The following SPOCK2 variants were observed in gnomAD, a reference collection of about 807,000 sequenced individuals.
SPOCK2 encodes the protein testican-2.
In SPOCK2, 39 loss-of-function variants were observed where a neutral mutation model predicts 60.1. The observed-to-expected ratio is 0.65, with a 90% CI of 0.50 to 0.85. SPOCK2 has a LOEUF of 0.85. SPOCK2 is among the 40% of genes least tolerant of loss of function. SPOCK2 has a pLI of 0.00. For synonymous variants in SPOCK2, 217 were observed against 231.5 expected, an observed-to-expected ratio of 0.94 and a Z score of 0.57; for missense variants, 523 against 567.4, an observed-to-expected ratio of 0.92 and a Z score of 0.80.
chr10:72,069,848 C>T (rs1840621037), intron 5 of SPOCK2, among the ~76,000 whole-genome samples: 2 of 152,194 alleles, frequency 1.3e-5, no homozygotes, highest in Admixed American at 6.5e-5. Flanking sequence ...CAATCGGTTC[C>T]TTCTTCCATC....
intron 1 of SPOCK2, among the ~76,000 whole-genome samples, chr10:72,079,472 A>C (rs532318017): frequency 6.6e-6 from 1 of 152,296 alleles, no homozygotes. Context: ...GAGCTAACCC[A>C]TCTTCAGCTT....
chr10:72,071,636 T>C (rs1271406944), intron 4 of SPOCK2, among the ~76,000 whole-genome samples: 1 of 152,240 alleles, frequency 6.6e-6, no homozygotes, highest in Admixed American at 6.5e-5. Flanking sequence ...CTATTTGTCT[T>C]AGAGATACTA....
At chr10:72,081,520 C>G (rs1176858175) in intron 1 of SPOCK2, among the ~76,000 whole-genome samples, 1 of 152,222 alleles carries the variant, frequency 6.6e-6, no homozygotes, top group Non-Finnish European at 1.5e-5. Flanking sequence ...TCTCCACCAT[C>G]CACATGTCTG....
intron 1 of SPOCK2, among the ~76,000 whole-genome samples, chr10:72,077,792 C>G (rs78192290): frequency 1.1e-4 from 16 of 152,206 alleles, no homozygotes; most frequent in Middle Eastern, 3.4e-3. Flanking sequence ...GCACGCTTAC[C>G]GTGCCACCCT....
At chr10:72,066,814 G>T (rs895973176) in intron 8 of SPOCK2, 88 bp downstream of exon 8, 3 of 1,484,762 alleles carry the variant, frequency 2.0e-6, no homozygotes, top group South Asian at 1.2e-5. Context: ...AGCCAAGAAA[G>T]AGCCACTCTG....
rs1414242138 is a variant in SPOCK2 at position 72,087,293 on chromosome 10, C to T, written c.189+847G>A. On this transcript the variant is annotated intron_variant, in intron 1 of 10. Transcript: ENST00000373109. This position sits in a 1 kb window ranked among gnomAD's most constrained non-coding sequence, Gnocchi z 4.7. Reference sequence around the variant, plus strand: ...TAAACAAAAGTGCCGCAGCTACCCCCCCGCCCCCACCCCGCGGAGTTCGGC... The same window carrying T: ...TAAACAAAAGTGCCGCAGCTACCCCTCCGCCCCCACCCCGCGGAGTTCGGC... Among the ~76,000 whole-genome samples the T allele has an allele frequency of 6.6e-6, 1 of 152,128 alleles. No individual in the cohort carries two copies. The highest frequency in any genetic ancestry group is 2.4e-5 in the African/African-American group (1 of 41,420).
At chr10:72,067,840 G>A in intron 6 of SPOCK2, 108 bp from the exon 7 acceptor site, 1 of 1,494,112 alleles carries the variant, frequency 6.7e-7, no homozygotes, top group Admixed American at 2.1e-5. Flanking sequence ...AGGGGTCCGG[G>A]AGGCAGCAGC....
At chr10:72,064,703 T>C (rs952421293) in intron 8 of SPOCK2, among the ~76,000 whole-genome samples, 3 of 152,188 alleles carry the variant, frequency 2.0e-5, no homozygotes, top group Non-Finnish European at 4.4e-5. Context: ...ACCTTTTCTA[T>C]GCTTAGTTAT....
At chr10:72,067,754 T>G (rs749823557) in intron 6 of SPOCK2, 22 bp from the exon 7 acceptor site, 1 of 1,610,092 alleles carries the variant, frequency 6.2e-7, no homozygotes, top group Non-Finnish European at 8.5e-7. Context: ...AGAGAAGGCA[T>G]GGAGGGCGAA....
intron 1 of SPOCK2, chr10:72,086,467 T>C (rs1840855781): frequency 9.4e-7 from 1 of 1,066,798 alleles, no homozygotes; most frequent in Non-Finnish European, 1.1e-6. Context: ...TGGTCCCATT[T>C]TGGCAGATCA....
chr10:72,074,298 C>T lies in SPOCK2; in HGVS notation c.190-1388G>A, dbSNP rs142021078. 1.7e-4 allele frequency among the ~76,000 whole-genome samples: 26 copies of T among 152,136 alleles called. No individual in the cohort carries two copies. In the East Asian group the frequency reaches 3.9e-3, roughly 23 times the overall value. Reference sequence around the variant, plus strand: ...AGGGTGAGGCCTCCTGGACAAAGGCCGAAGGGGCCAGACCCGAGCAAGCAG... The same window carrying T: ...AGGGTGAGGCCTCCTGGACAAAGGCTGAAGGGGCCAGACCCGAGCAAGCAG... On this transcript the variant is annotated intron_variant, in intron 1 of 10. Coordinates refer to ENST00000373109, the MANE Select transcript of SPOCK2 (RefSeq NM_001244950.2).
intron 5 of SPOCK2, among the ~76,000 whole-genome samples, chr10:72,069,778 C>A (rs1053664591): frequency 1.3e-5 from 2 of 152,160 alleles, no homozygotes; most frequent in African/African-American, 4.8e-5. Flanking sequence ...TAAATGCTTT[C>A]TCAAATATTG....
chr10:72,085,173 G>A (rs1840838367), intron 1 of SPOCK2, among the ~76,000 whole-genome samples: 3 of 152,200 alleles, frequency 2.0e-5, no homozygotes, highest in Admixed American at 6.5e-5. Context: ...GAATTGGGAG[G>A]TAGGAGCATC....
In SPOCK2 at chr10:72,062,665, T is replaced by C. The variant is rs1220730606; in HGVS notation, c.*95A>G. On this transcript the variant is annotated 3_prime_UTR_variant, in exon 11 of 11. Transcript: ENST00000373109. The surrounding 1 kb of genome is among the most constrained non-coding windows in gnomAD (Gnocchi z 4.3). The stretch of plus-strand genomic sequence containing the variant: ...AGTCCCCCCAGGTGGAGCAGGGTCC[T>C]TCTGACTGCATTTCTGGATCCGTTC... 2 of 1,521,148 alleles carry C rather than the reference T, an allele frequency of 1.3e-6. No individual in the cohort carries two copies. Among genetic ancestry groups the C allele is most frequent in the South Asian group, 1.3e-5 (1 of 78,448 alleles). The allele number at this position is 1,521,148 out of a possible 1,614,324, so 94.2% of individuals were successfully genotyped here. A position where few individuals can be genotyped will look rare whatever the true frequency, so the allele number is the denominator to read the frequency against.
chr10:72,073,489 A>G (rs1191065793), intron 1 of SPOCK2, among the ~76,000 whole-genome samples: 3 of 152,194 alleles, frequency 2.0e-5, no homozygotes, highest in Admixed American at 6.5e-5. Flanking sequence ...GCCTGTGATG[A>G]GGCTTGCCCA....
chr10:72,088,247 C>A lies in SPOCK2; in HGVS notation c.82G>T (p.Gly28Trp). ...AAALAEGDAK[G>W]LKEGETPGNF... ...CCGGGGGTCTCGCCCTCCTTGAGCC[C>A]CTTGGCGTCGCCTTCGGCCAGGGCT... is the stretch of plus-strand genomic sequence containing the variant. The change falls in exon 1 of 11, where the codon GGG (glycine) becomes TGG (tryptophan). Residue 28 changes from glycine (G) to tryptophan (W), a missense_variant. Transcript: ENST00000373109. The A allele has an allele frequency of 6.2e-7, 1 of 1,610,956 alleles. No homozygotes were observed. The highest frequency in any genetic ancestry group is 1.1e-5 in the South Asian group (1 of 90,850).
At chr10:72,068,053 A>G in intron 6 of SPOCK2, 134 bp downstream of exon 6, 1 of 1,043,676 alleles carries the variant, frequency 9.6e-7, no homozygotes, top group Non-Finnish European at 1.4e-6. Context: ...CTGACCTCAC[A>G]GCTCCCTCAA....
At chr10:72,066,849 C>A in intron 8 of SPOCK2, 53 bp downstream of exon 8, 3 of 1,602,696 alleles carry the variant, frequency 1.9e-6, no homozygotes, top group South Asian at 1.1e-5. Context: ...CCTGGAACTT[C>A]GGGTAGAGCC....
Position 72,068,487 on chromosome 10 carries a change from C to T in SPOCK2, c.475-186G>A, listed in dbSNP as rs546037748. ...GTGCACGGTGGAGAGAAGCAGGGCC[C>T]GGGAAGCAGGGCTCAGAGCTGGTCC... On this transcript the variant is annotated intron_variant, in intron 5 of 10. Coordinates refer to ENST00000373109, the MANE Select transcript of SPOCK2 (RefSeq NM_001244950.2). Among the ~76,000 whole-genome samples, 6 of 152,252 alleles carry T rather than the reference C, an allele frequency of 3.9e-5. No individual in the cohort carries two copies. The East Asian group carries it at 7.7e-4, about 20-fold the overall frequency.
Sources: gnomAD v4.1 joint callset for allele counts (sites outside exome capture counted in the v4.1 genomes callset) on GRCh38, gnomAD v4.1.1 for gene constraint, Gnocchi (gnomAD v3.1) non-coding constraint, MANE v1.5 for transcripts, NCBI Gene and HGNC (gene_info 2026-07-23, HGNC 2026-07-21) for gene names.